The following ZKSCAN8 variants were observed in gnomAD, a reference collection of about 807,000 sequenced individuals.
The protein encoded by ZKSCAN8 is zinc finger protein with KRAB and SCAN domains 8.
Under a neutral mutation model 57.2 loss-of-function variants are expected in ZKSCAN8, and 27 were observed. The observed-to-expected ratio is 0.47, with a 90% CI of 0.35 to 0.65. The LOEUF (loss-of-function observed/expected upper bound fraction) is 0.65, where lower values mean the gene tolerates loss of function less well. Among genes scored for constraint, ZKSCAN8 ranks in the 30% least tolerant of loss-of-function variants. The probability of loss-of-function intolerance (pLI) is 0.01; values close to 1 mark genes in which losing one functional copy is unlikely to be tolerated. For synonymous variants in ZKSCAN8, 214 were observed against 248.7 expected, an observed-to-expected ratio of 0.86 and a Z score of 1.31; for missense variants, 597 against 696.3, an observed-to-expected ratio of 0.86 and a Z score of 1.60.
At position 28,149,615 on chromosome 6, in the gene ZKSCAN8, CAA is replaced by C. The variant is rs1213117031; in HGVS notation, c.551_552del (p.Gln184ArgfsTer39). ...QHKSPVPQES[Q>X]ERAMSTSQSP... ...TAAATCTCCAGTGCCCCAAGAGTCA[CAA>C]GAGAGAGGTGAGTAGCCAGATTTCA... is the stretch of plus-strand genomic sequence containing the variant. On this transcript the variant is annotated frameshift_variant, in exon 3 of 6. Transcript: ENST00000330236. LOFTEE classifies it high-confidence loss of function. 3 of 1,613,600 alleles carry C rather than the reference CAA, an allele frequency of 1.9e-6. No homozygotes were observed. The highest frequency in any genetic ancestry group is 1.1e-5 in the South Asian group (1 of 91,004).
rs376243059 is a variant in ZKSCAN8 at position 28,144,868 on chromosome 6, T to G, written c.-93+2839T>G. On this transcript the variant is annotated intron_variant, in intron 1 of 5. Transcript: ENST00000330236. This position sits in a 1 kb window ranked among gnomAD's most constrained non-coding sequence, Gnocchi z 4.5. ...GTCAGGAGATCGAGACCATCCTGGC[T>G]AACACAGTGAAACCCCATCTCTACT... 2.0e-5 allele frequency among the ~76,000 whole-genome samples: 3 copies of G among 152,150 alleles called. No homozygotes were observed. In the South Asian group the frequency reaches 6.2e-4, roughly 32 times the overall value.
rs899236842 is a variant in ZKSCAN8 at position 28,152,125 on chromosome 6, C to T, written c.652-136C>T. 19 of 1,417,686 alleles carry T rather than the reference C, an allele frequency of 1.3e-5. No homozygotes were observed. In the African/African-American group the frequency reaches 2.7e-4, roughly 20 times the overall value. The allele number at this position is 1,417,686 out of a possible 1,614,324, so 87.8% of individuals were successfully genotyped here. On this transcript the variant is annotated intron_variant, in intron 4 of 5. Coordinates refer to ENST00000330236, the MANE Select transcript of ZKSCAN8 (RefSeq NM_006298.4). ...AATCTCATGCATTTTCCTCTTCTTCCTAGCTATTCAGATCCCTTTACATAG... is the reference window on the plus strand; with the variant it reads ...AATCTCATGCATTTTCCTCTTCTTCTTAGCTATTCAGATCCCTTTACATAG...
intron 2 of ZKSCAN8, 43 bp downstream of exon 2, chr6:28,148,867 G>C (rs1266636920): frequency 6.4e-7 from 1 of 1,568,388 alleles, no homozygotes; most frequent in Non-Finnish European, 8.6e-7. Context: ...TGGGAGTCCT[G>C]GAAGCTTGGT....
At chr6:28,149,411 C>A in intron 2 of ZKSCAN8, 72 bp from the exon 3 acceptor site, 4 of 1,577,530 alleles carry the variant, frequency 2.5e-6, no homozygotes, top group Admixed American at 3.5e-5. Flanking sequence ...TAGATGTGTT[C>A]GTGGTCCTCT....
intron 1 of ZKSCAN8, among the ~76,000 whole-genome samples, chr6:28,146,888 C>A (rs1765415644): frequency 6.6e-6 from 1 of 152,068 alleles, no homozygotes; most frequent in South Asian, 2.1e-4. Flanking sequence ...AAATGAACCT[C>A]CATCCATACC....
Position 28,149,489 on chromosome 6 carries a change from G to C in ZKSCAN8, c.424G>C (p.Ala142Pro). The stretch of plus-strand genomic sequence containing the variant: ...AACTGTCTGTTGTTTCCAGGTCTCA[G>C]CTCGCGTACATGGACATAGGGTACT... ...QIDILGRPVS[A>P]RVHGHRVLWE... Residue 142 changes from alanine to proline, a missense_variant, in exon 3 of 6, where the codon GCT becomes CCT. By Grantham distance (27) the Ala-to-Pro change is conservative. Transcript: ENST00000330236. 6.2e-7 allele frequency: 1 copy of C among 1,613,704 alleles called. No individual in the cohort carries two copies. The highest frequency in any genetic ancestry group is 8.5e-7 in the Non-Finnish European group (1 of 1,179,886).
rs994918923 is a variant in ZKSCAN8 at position 28,144,607 on chromosome 6, A to C, written c.-93+2578A>C. Among the ~76,000 whole-genome samples, 1 of 152,244 alleles carries C rather than the reference A, an allele frequency of 6.6e-6. No homozygotes were observed. Among genetic ancestry groups the C allele is most frequent in the Non-Finnish European group, 1.5e-5 (1 of 68,044 alleles). ...TACAAAGATAATGGTCACCTCTGTC[A>C]ACAAACATTTGCAATAAGGCCATGG... On this transcript the variant is annotated intron_variant, in intron 1 of 5. Transcript: ENST00000330236. The surrounding 1 kb of genome is among the most constrained non-coding windows in gnomAD (Gnocchi z 4.5).
At position 28,155,969 on chromosome 6, in the gene ZKSCAN8, C is replaced by T; in HGVS notation, c.*1952C>T. On this transcript the variant is annotated 3_prime_UTR_variant, in exon 6 of 6. Coordinates refer to ENST00000330236, the MANE Select transcript of ZKSCAN8 (RefSeq NM_006298.4). ...TTTCTTTTATTTATAAGTTACCATTCCTAGTTTCTTTGTACTTGAAATTTT... is the reference window on the plus strand; with the variant it reads ...TTTCTTTTATTTATAAGTTACCATTTCTAGTTTCTTTGTACTTGAAATTTT... 2.5e-6 allele frequency: 1 copy of T among 395,248 alleles called. No homozygotes were observed. Among genetic ancestry groups the T allele is most frequent in the Non-Finnish European group, 4.5e-6 (1 of 224,264 alleles). The allele number at this position is 395,248 out of a possible 1,614,324, so 24.5% of individuals were successfully genotyped here. A position where few individuals can be genotyped will look rare whatever the true frequency, so the allele number is the denominator to read the frequency against.
Position 28,159,129 on chromosome 6 carries a change from A to G in ZKSCAN8, c.*5112A>G, listed in dbSNP as rs1765877987. The G allele has an allele frequency of 6.6e-6, 1 of 152,128 alleles. No individual in the cohort carries two copies. Among genetic ancestry groups the G allele is most frequent in the African/African-American group, 2.4e-5 (1 of 41,394 alleles). 9.4% of individuals were successfully genotyped at this position (152,128 alleles called of 1,614,324 possible). A position where few individuals can be genotyped will look rare whatever the true frequency, so the allele number is the denominator to read the frequency against. On this transcript the variant is annotated 3_prime_UTR_variant, in exon 6 of 6. Transcript: ENST00000330236. Reference sequence around the variant, plus strand: ...TGCTCTTTGGTCCCAGCTCATGTTCATCACTCCCTTCAAAGCCTTTCTTCC... The same window carrying G: ...TGCTCTTTGGTCCCAGCTCATGTTCGTCACTCCCTTCAAAGCCTTTCTTCC...
chr6:28,144,779 C>T lies in ZKSCAN8; in HGVS notation c.-93+2750C>T, dbSNP rs980276416. On this transcript the variant is annotated intron_variant, in intron 1 of 5. Coordinates refer to ENST00000330236, the MANE Select transcript of ZKSCAN8 (RefSeq NM_006298.4). This position sits in a 1 kb window ranked among gnomAD's most constrained non-coding sequence, Gnocchi z 4.5. ...AGTTAAGAGTTGAATGATTTTAGGC[C>T]GGGCACAGTGGCTTACGCCTGTAAT... is the stretch of plus-strand genomic sequence containing the variant. Among the ~76,000 whole-genome samples, 5 of 152,188 alleles carry T rather than the reference C, an allele frequency of 3.3e-5. No individual in the cohort carries two copies. The highest frequency in any genetic ancestry group is 6.5e-5 in the Admixed American group (1 of 15,282).
intron 2 of ZKSCAN8, 141 bp downstream of exon 2, chr6:28,148,965 A>T: frequency 1.0e-6 from 1 of 992,588 alleles, no homozygotes; most frequent in Admixed American, 2.9e-5. Context: ...GTGTAGTATG[A>T]CTTGTAGAGT....
rs1161058025 is a variant in ZKSCAN8 at position 28,157,866 on chromosome 6, A to G, written c.*3849A>G. ...AATATCCATGTACCAGGCCAGGCAG[A>G]TGGTCAGTTAGGATGACAATAGTAA... On this transcript the variant is annotated 3_prime_UTR_variant, in exon 6 of 6. Transcript: ENST00000330236. 6.6e-6 allele frequency: 1 copy of G among 152,210 alleles called. No individual in the cohort carries two copies. Among genetic ancestry groups the G allele is most frequent in the Admixed American group, 6.5e-5 (1 of 15,292 alleles). The allele number at this position is 152,210 out of a possible 1,614,324, so 9.4% of individuals were successfully genotyped here.
In ZKSCAN8 at chr6:28,154,011, C is replaced by T. The variant is rs1276451962; in HGVS notation, c.1731C>T (p.Ser577=). The T allele has an allele frequency of 1.5e-5, 24 of 1,588,266 alleles. No homozygotes were observed. Among genetic ancestry groups the T allele is most frequent in the East Asian group, 4.5e-5 (2 of 44,706 alleles). The part of the protein sequence containing the change: ...IHSGEKSESI[S]V ...GTGGTGAAAAATCTGAATCCATAAG[C>T]GTTTAGGAACAACATCAGTTAGAGT... The change falls in exon 6 of 6, where the codon AGC becomes AGT. Residue 577 remains serine (S), a synonymous_variant. Transcript: ENST00000330236.
chr6:28,149,604 C>T lies in ZKSCAN8; in HGVS notation c.539C>T (p.Pro180Leu). 9 of 1,613,934 alleles carry T rather than the reference C, an allele frequency of 5.6e-6. No homozygotes were observed. Among genetic ancestry groups the T allele is most frequent in the Non-Finnish European group, 7.6e-6 (9 of 1,179,966 alleles). ...GCAACCCAACATAAATCTCCAGTGC[C>T]CCAAGAGTCACAAGAGAGAGGTGAG... Reference protein sequence around the residue: ...SEATQHKSPVPQESQERAMST... With the variant: ...SEATQHKSPVLQESQERAMST... Residue 180 changes from proline (P) to leucine (L), a missense_variant, in exon 3 of 6, where the codon CCC becomes CTC. Transcript: ENST00000330236.
At position 28,154,034 on chromosome 6, in the gene ZKSCAN8, A is replaced by T; in HGVS notation, c.*17A>T. The T allele has an allele frequency of 6.4e-7, 1 of 1,565,572 alleles. No homozygotes were observed. Among genetic ancestry groups the T allele is most frequent in the Non-Finnish European group, 8.6e-7 (1 of 1,159,852 alleles). On this transcript the variant is annotated 3_prime_UTR_variant, in exon 6 of 6. Coordinates refer to ENST00000330236, the MANE Select transcript of ZKSCAN8 (RefSeq NM_006298.4). The stretch of plus-strand genomic sequence containing the variant: ...AGCGTTTAGGAACAACATCAGTTAG[A>T]GTTTGAGCATTATTCAGCATTAGGG...
At position 28,154,037 on chromosome 6, in the gene ZKSCAN8, T is replaced by G. The variant is rs760874887; in HGVS notation, c.*20T>G. ...GTTTAGGAACAACATCAGTTAGAGT[T>G]TGAGCATTATTCAGCATTAGGGAAA... On this transcript the variant is annotated 3_prime_UTR_variant, in exon 6 of 6. Coordinates refer to ENST00000330236, the MANE Select transcript of ZKSCAN8 (RefSeq NM_006298.4). 9.0e-6 allele frequency: 14 copies of G among 1,560,634 alleles called. No homozygotes were observed. The East Asian group carries it at 3.1e-4, about 35-fold the overall frequency.
At chr6:28,151,109 GTCTT>G (rs942252649) in intron 3 of ZKSCAN8, among the ~76,000 whole-genome samples, 2 of 152,106 alleles carry the variant, frequency 1.3e-5, no homozygotes, top group African/African-American at 4.8e-5. Flanking sequence ...CTCGGCCACT[GTCTT>G]TATTTTGCTA....
chr6:28,148,753 C>A lies in ZKSCAN8; in HGVS notation c.346C>A (p.Leu116Ile). Residue 116 changes from leucine (L) to isoleucine (I), a missense_variant, in exon 2 of 6, where the codon CTA (leucine) becomes ATA (isoleucine). Leu to Ile is a conservative substitution (Grantham distance 5). Transcript: ENST00000330236. Reference sequence around the variant, plus strand: ...CCAGACACTGGTTAAGGAACATCAGCTAGAGAACGGAGAGGAGGTGGTGAC... The same window carrying A: ...CCAGACACTGGTTAAGGAACATCAGATAGAGAACGGAGAGGAGGTGGTGAC... ...ELQTLVKEHQ[L>I]ENGEEVVTLL... 1 of 1,614,128 alleles carries A rather than the reference C, an allele frequency of 6.2e-7. No individual in the cohort carries two copies. The highest frequency in any genetic ancestry group is 1.3e-5 in the African/African-American group (1 of 75,016).
chr6:28,149,412 G>A (rs1315249615), intron 2 of ZKSCAN8, 71 bp from the exon 3 acceptor site: 10 of 1,580,962 alleles, frequency 6.3e-6, no homozygotes, highest in Admixed American at 1.7e-5. Context: ...AGATGTGTTC[G>A]TGGTCCTCTT....
Sources: allele counts gnomAD v4.1 joint callset (sites outside exome capture counted in the v4.1 genomes callset), GRCh38; gene constraint gnomAD v4.1.1; non-coding constraint Gnocchi (gnomAD v3.1); transcripts MANE v1.5; gene names NCBI Gene and HGNC (gene_info 2026-07-23, HGNC 2026-07-21).